Variants in ACBD6 observed in about 807,000 individuals in gnomAD.
ACBD6 encodes acyl-CoA binding domain containing 6.
ACBD6 carries 28 observed loss-of-function variants against 37.2 expected under a neutral mutation model. The observed-to-expected ratio is 0.75, with a 90% CI of 0.56 to 1.03. The LOEUF is 1.03. Among genes scored for constraint, ACBD6 ranks in the 50% least tolerant of loss-of-function variants. The pLI, the probability that ACBD6 is intolerant of heterozygous loss-of-function variation, is 0.00. For synonymous variants in ACBD6, 113 were observed against 126.8 expected, an observed-to-expected ratio of 0.89 and a Z score of 0.73; for missense variants, 340 against 337.4, an observed-to-expected ratio of 1.01 and a Z score of -0.06.
intron 3 of ACBD6, among the ~76,000 whole-genome samples, chr1:180,470,705 C>A (rs1330373417): frequency 6.6e-6 from 1 of 152,188 alleles, no homozygotes; most frequent in Non-Finnish European, 1.5e-5. Context: ...TTGCTAAACA[C>A]CTAGAAAAGA....
intron 3 of ACBD6, among the ~76,000 whole-genome samples, chr1:180,480,368 A>T (rs1650981286): frequency 6.6e-6 from 1 of 152,232 alleles, no homozygotes. Flanking sequence ...TAAAAGATAA[A>T]ATTAGTGACA....
intron 3 of ACBD6, among the ~76,000 whole-genome samples, chr1:180,433,601 T>A (rs868539676): frequency 9.9e-5 from 15 of 151,658 alleles, no homozygotes; most frequent in South Asian, 2.1e-4. Context: ...TGTGTGTGTG[T>A]GTGTGTGTGT....
intron 1 of ACBD6, among the ~76,000 whole-genome samples, chr1:180,497,581 CA>C (rs1159580301): frequency 2.0e-5 from 3 of 151,972 alleles, no homozygotes; most frequent in Non-Finnish European, 4.4e-5. Context: ...AAAACTGGGA[CA>C]TTTAAAAAAT....
intron 3 of ACBD6, among the ~76,000 whole-genome samples, chr1:180,451,997 T>C (rs934492659): frequency 2.0e-5 from 3 of 152,178 alleles, no homozygotes; most frequent in Non-Finnish European, 4.4e-5. Flanking sequence ...TGCTCCTGAA[T>C]GACTAATGGG....
chr1:180,495,673 C>T, intron 1 of ACBD6, 148 bp from the exon 2 acceptor site: 1 of 624,460 alleles, frequency 1.6e-6, no homozygotes, highest in East Asian at 2.8e-5. Flanking sequence ...CATTCTTTGC[C>T]AAAGCAAACA....
chr1:180,487,072 G>A (rs1651296414), intron 3 of ACBD6, among the ~76,000 whole-genome samples: 1 of 151,696 alleles, frequency 6.6e-6, no homozygotes, highest in Admixed American at 6.6e-5. Flanking sequence ...AAAGATACAT[G>A]ACAACTAAAT....
intron 3 of ACBD6, among the ~76,000 whole-genome samples, chr1:180,432,881 T>G (rs144870198): frequency 1.8e-4 from 28 of 151,722 alleles, no homozygotes; most frequent in African/African-American, 6.5e-4. Context: ...CTGACAGACC[T>G]ATCACCAAGA....
chr1:180,457,394 A>G (rs1649966455), intron 3 of ACBD6, among the ~76,000 whole-genome samples: 2 of 152,212 alleles, frequency 1.3e-5, no homozygotes, highest in Admixed American at 1.3e-4. Context: ...TCTTTGTTGC[A>G]GACTGACCTA....
intron 3 of ACBD6, among the ~76,000 whole-genome samples, chr1:180,489,067 G>A (rs1242008959): frequency 6.6e-6 from 1 of 152,090 alleles, no homozygotes; most frequent in African/African-American, 2.4e-5. Context: ...TCAGGAGGCT[G>A]AGGCAGAAGA....
At chr1:180,271,479 G>A (rs1414975935) in exon 14 of ACBD6, 7 of 1,614,184 alleles carry the variant, frequency 4.3e-6, no homozygotes, top group South Asian at 1.1e-5. Context: ...AAGCCTGCCC[G>A]GCACGTGAGG....
intron 3 of ACBD6, among the ~76,000 whole-genome samples, chr1:180,491,952 G>C (rs1023393703): frequency 6.6e-6 from 1 of 152,072 alleles, no homozygotes; most frequent in African/African-American, 2.4e-5. Flanking sequence ...TGGGATTACA[G>C]GTGTGTACCA....
intron 3 of ACBD6, among the ~76,000 whole-genome samples, chr1:180,474,817 T>A (rs1011815831): frequency 1.3e-5 from 2 of 152,276 alleles, no homozygotes; most frequent in Non-Finnish European, 2.9e-5. Context: ...CCTCCTTCAC[T>A]GGATTTCAAA....
At chr1:180,279,949 G>A (rs1366004027) in intron 9 of ACBD6, among the ~76,000 whole-genome samples, 2 of 152,102 alleles carry the variant, frequency 1.3e-5, no homozygotes, top group Admixed American at 1.3e-4. Flanking sequence ...CTGAAGAGAA[G>A]ATCCAAAGCA....
chr1:180,450,225 T>G (rs1422030514), intron 3 of ACBD6, among the ~76,000 whole-genome samples: 1 of 152,168 alleles, frequency 6.6e-6, no homozygotes, highest in African/African-American at 2.4e-5. Flanking sequence ...CCACAATCAG[T>G]GCAAGTATAG....
chr1:180,375,854 G>C (rs1355755684), intron 6 of ACBD6, among the ~76,000 whole-genome samples: 1 of 151,640 alleles, frequency 6.6e-6, no homozygotes, highest in Non-Finnish European at 1.5e-5. Flanking sequence ...AAAATAAAAA[G>C]TTCTTGCATG....
Position 180,466,504 on chromosome 1 carries a change from T to C in ACBD6, c.384+25765A>G, listed in dbSNP as rs1048833521. ...TCTGGCAGTTTGATTATAGTGTTCATGCAATGAGAGCTTGACACTTTCCCA... is the reference window on the plus strand; with the variant it reads ...TCTGGCAGTTTGATTATAGTGTTCACGCAATGAGAGCTTGACACTTTCCCA... On this transcript the variant is annotated intron_variant, in intron 3 of 7. Transcript: ENST00000367595. Among the ~76,000 whole-genome samples, 13 of 152,358 alleles carry C rather than the reference T, an allele frequency of 8.5e-5. No individual in the cohort carries two copies. In the East Asian group the frequency reaches 9.6e-4, roughly 11 times the overall value.
chr1:180,334,969 T>C (rs1339457723), intron 6 of ACBD6, among the ~76,000 whole-genome samples: 1 of 152,000 alleles, frequency 6.6e-6, no homozygotes, highest in Non-Finnish European at 1.5e-5. Flanking sequence ...GAAAAAAGAA[T>C]AAAAAGAAAC....
At chr1:180,390,421 T>G (rs1420519242) in intron 6 of ACBD6, among the ~76,000 whole-genome samples, 1 of 151,734 alleles carries the variant, frequency 6.6e-6, no homozygotes, top group Non-Finnish European at 1.5e-5. Context: ...TAGTATAGTT[T>G]GAAGTCAGGT....
intron 4 of ACBD6, among the ~76,000 whole-genome samples, chr1:180,428,643 C>T (rs1050365065): frequency 2.6e-5 from 4 of 152,046 alleles, no homozygotes; most frequent in African/African-American, 9.7e-5. Flanking sequence ...CGTCATCAGA[C>T]ATTTGAAAAG....
Sources: gnomAD v4.1 joint callset for allele counts (sites outside exome capture counted in the v4.1 genomes callset) on GRCh38, gnomAD v4.1.1 for gene constraint, MANE v1.5 for transcripts, NCBI Gene and HGNC (gene_info 2026-07-23, HGNC 2026-07-21) for gene names.